The following ZMYM4 variants were observed in gnomAD, a reference collection of about 807,000 sequenced individuals.
The protein encoded by ZMYM4 is zinc finger MYM-type containing 4.
ZMYM4 carries 31 observed loss-of-function variants against 183.2 expected under a neutral mutation model. The ratio of observed to expected loss-of-function variants is 0.17; its 90% CI spans 0.13 to 0.23. ZMYM4 has a LOEUF of 0.23. ZMYM4 is among the 10% of genes least tolerant of loss of function. The pLI is 1.00. For synonymous variants in ZMYM4, 592 were observed against 631.2 expected, an observed-to-expected ratio of 0.94 and a Z score of 0.93; for missense variants, 1,273 against 1,840.3, an observed-to-expected ratio of 0.69 and a Z score of 5.64.
intron 1 of ZMYM4, among the ~76,000 whole-genome samples, chr1:35,325,086 C>T (rs1339351675): frequency 1.3e-5 from 2 of 151,432 alleles, no homozygotes; most frequent in African/African-American, 4.9e-5. Context: ...ATGATCATCT[C>T]TTTTGTGACA....
intron 1 of ZMYM4, among the ~76,000 whole-genome samples, chr1:35,274,403 G>C (rs1205140056): frequency 6.6e-6 from 1 of 151,858 alleles, no homozygotes; most frequent in Non-Finnish European, 1.5e-5. Flanking sequence ...CCAGGAGTTT[G>C]AGACCATCCT....
chr1:35,298,378 C>T (rs996695705), intron 1 of ZMYM4, among the ~76,000 whole-genome samples: 6 of 152,144 alleles, frequency 3.9e-5, no homozygotes, highest in South Asian at 2.1e-4. Context: ...TACCACTGCA[C>T]TCCAGCCTGG....
chr1:35,333,878 AT>A (rs1642862823), intron 2 of ZMYM4, among the ~76,000 whole-genome samples: 1 of 152,146 alleles, frequency 6.6e-6, no homozygotes, highest in Non-Finnish European at 1.5e-5. Flanking sequence ...TTAATGCACA[AT>A]AAGTCATCTT....
chr1:35,296,788 A>G (rs555725603), intron 1 of ZMYM4, among the ~76,000 whole-genome samples: 20 of 151,562 alleles, frequency 1.3e-4, no homozygotes, highest in African/African-American at 4.4e-4. Flanking sequence ...TGAAGTTTCA[A>G]GGTCCCATTA....
At chr1:35,375,183 T>G (rs1644308564) in intron 7 of ZMYM4, among the ~76,000 whole-genome samples, 2 of 152,206 alleles carry the variant, frequency 1.3e-5, no homozygotes, top group Non-Finnish European at 2.9e-5. Context: ...TACATAATAC[T>G]TACTTTTTGC....
At position 35,269,074 on chromosome 1, in the gene ZMYM4, C is replaced by T. The variant is rs1405457970; in HGVS notation, c.28C>T (p.Pro10Ser). The part of the protein sequence containing the change: MAEREVESG[P>S]RKRFEQKSGA... ...GGCGGAGAGAGAGGTGGAGTCCGGC[C>T]CCCGAAAGAGGGTAGGTGAGGTGAG... Residue 10 changes from proline (P) to serine (S), a missense_variant, in exon 1 of 30, where the codon CCC becomes TCC. Around this residue, in one of 6 missense-constraint regions of ZMYM4, gnomAD observed 384 missense variants for 465.6 expected, o/e 0.82. Coordinates refer to ENST00000314607, the MANE Select transcript of ZMYM4 (RefSeq NM_005095.3). The T allele has an allele frequency of 6.5e-7, 1 of 1,549,368 alleles. No homozygotes were observed. Among genetic ancestry groups the T allele is most frequent in the Non-Finnish European group, 8.7e-7 (1 of 1,146,750 alleles).
intron 9 of ZMYM4, among the ~76,000 whole-genome samples, chr1:35,382,181 TACAC>T (rs59402643): frequency 0.13 from 17,638 of 133,426 alleles, 2,017 homozygotes; most frequent in East Asian, 0.48. Context: ...TATACACACA[TACAC>T]ACACACACAC....
chr1:35,376,855 G>A (rs984663246), intron 7 of ZMYM4, among the ~76,000 whole-genome samples: 1 of 151,666 alleles, frequency 6.6e-6, no homozygotes, highest in South Asian at 2.1e-4. Flanking sequence ...TTCTGTTACA[G>A]TATTTTATAA....
At chr1:35,338,078 A>G (rs1643050494) in intron 2 of ZMYM4, among the ~76,000 whole-genome samples, 1 of 152,192 alleles carries the variant, frequency 6.6e-6, no homozygotes, top group South Asian at 2.1e-4. Context: ...TGTTTTTTAA[A>G]CTATTAAAAC....
Position 35,420,500 on chromosome 1 carries a change from T to C in ZMYM4, c.*823T>C, listed in dbSNP as rs1166052670. On this transcript the variant is annotated 3_prime_UTR_variant, in exon 30 of 30. Coordinates refer to ENST00000314607, the MANE Select transcript of ZMYM4 (RefSeq NM_005095.3). ...CCCCTTCTCTGGGTGTGGGCCCTTA[T>C]TGCAGCTGTCTCACAGCCTGAGCTG... is the stretch of plus-strand genomic sequence containing the variant. 1 of 152,642 alleles carries C rather than the reference T, an allele frequency of 6.6e-6. No individual in the cohort carries two copies. Among genetic ancestry groups the C allele is most frequent in the East Asian group, 1.9e-4 (1 of 5,198 alleles). 9.5% of individuals were successfully genotyped at this position (152,642 alleles called of 1,614,324 possible).
intron 5 of ZMYM4, among the ~76,000 whole-genome samples, chr1:35,364,981 C>T (rs1172121589): frequency 2.6e-5 from 4 of 152,148 alleles, no homozygotes; most frequent in Non-Finnish European, 4.4e-5. Context: ...CTATTACTGG[C>T]ATAATGTCAT....
At chr1:35,336,826 A>T (rs1295140124) in intron 2 of ZMYM4, among the ~76,000 whole-genome samples, 1 of 152,184 alleles carries the variant, frequency 6.6e-6, no homozygotes, top group Non-Finnish European at 1.5e-5. Context: ...CAAGGGAGTG[A>T]CCTGTAGTCC....
At chr1:35,329,731 T>C (rs911116201) in intron 2 of ZMYM4, among the ~76,000 whole-genome samples, 1 of 152,144 alleles carries the variant, frequency 6.6e-6, no homozygotes, top group Admixed American at 6.6e-5. Context: ...CTTTTTCTGG[T>C]TTAACTGAGG....
intron 1 of ZMYM4, among the ~76,000 whole-genome samples, chr1:35,301,724 A>C (rs543996386): frequency 2.3e-4 from 35 of 152,082 alleles, no homozygotes; most frequent in African/African-American, 8.4e-4. Context: ...ACTAGAGGAG[A>C]GTACTCTGCA....
intron 5 of ZMYM4, among the ~76,000 whole-genome samples, chr1:35,366,840 C>T (rs1216386254): frequency 6.6e-6 from 1 of 151,970 alleles, no homozygotes; most frequent in Non-Finnish European, 1.5e-5. Flanking sequence ...ATGGTGAAAC[C>T]CTGTCTCTAC....
rs528668211 is a variant in ZMYM4 at position 35,415,768 on chromosome 1, A to T, written c.4309+54A>T. On this transcript the variant is annotated intron_variant, in intron 28 of 29. Coordinates refer to ENST00000314607, the MANE Select transcript of ZMYM4 (RefSeq NM_005095.3). ...TTTGAAGTCTTAGTAGTAGTACTAAAATAGAGAGTTACTGCAGAAAGGTAA... is the reference window on the plus strand; with the variant it reads ...TTTGAAGTCTTAGTAGTAGTACTAATATAGAGAGTTACTGCAGAAAGGTAA... The T allele has an allele frequency of 8.2e-6, 13 of 1,576,350 alleles. 1 individual carries two copies. The South Asian group carries it at 1.5e-4, about 18-fold the overall frequency.
At chr1:35,273,073 A>T (rs1639697831) in intron 1 of ZMYM4, among the ~76,000 whole-genome samples, 1 of 152,126 alleles carries the variant, frequency 6.6e-6, no homozygotes, top group Admixed American at 6.5e-5. Flanking sequence ...GGCCTGCCTG[A>T]TGTCTTGTTT....
intron 6 of ZMYM4, 28 bp from the exon 7 acceptor site, chr1:35,370,338 ATTTTTT>A (rs35122134): frequency 5.9e-5 from 67 of 1,128,806 alleles, no homozygotes; most frequent in African/African-American, 1.9e-4. Flanking sequence ...TTTTCTTTCA[ATTTTTT>A]TTTTTTTTTT....
chr1:35,390,150 A>G (rs777407803), intron 15 of ZMYM4, 52 bp downstream of exon 15: 5 of 1,562,538 alleles, frequency 3.2e-6, no homozygotes, highest in East Asian at 2.3e-5. Context: ...ACTAGGAACT[A>G]CTGTTCTTTT....
Sources: allele counts gnomAD v4.1 joint callset (sites outside exome capture counted in the v4.1 genomes callset), GRCh38; gene constraint gnomAD v4.1.1; regional missense constraint gnomAD v4.1.1; transcripts MANE v1.5; gene names NCBI Gene and HGNC (gene_info 2026-07-23, HGNC 2026-07-21).